The following FGD4 variants were observed in gnomAD, a reference collection of about 807,000 sequenced individuals.
FGD4 encodes FYVE, RhoGEF and PH domain-containing protein 4.
Under a neutral mutation model 102.0 loss-of-function variants are expected in FGD4, and 42 were observed. The observed-to-expected ratio is 0.41, with a 90% CI of 0.32 to 0.53. FGD4 has a LOEUF of 0.53. Among genes scored for constraint, FGD4 ranks in the 20% least tolerant of loss-of-function variants. The pLI is 0.21. For missense variants in FGD4, 902 were observed against 1,078.2 expected, an observed-to-expected ratio of 0.84 and a Z score of 2.29; for synonymous variants, 380 against 375.7, an observed-to-expected ratio of 1.01 and a Z score of -0.13.
Position 32,547,816 on chromosome 12 carries a change from C to T in FGD4, c.167-16321C>T, listed in dbSNP as rs193010300. Among the ~76,000 whole-genome samples, 489 of 152,284 alleles carry T rather than the reference C, an allele frequency of 3.2e-3. 5 individuals are homozygous for T. Among genetic ancestry groups the T allele is most frequent in the Middle Eastern group, 6.8e-3 (2 of 294 alleles). On this transcript the variant is annotated intron_variant, in intron 1 of 16. Transcript: ENST00000534526. ...CCGCCTCCCGGGTTCAAGCGATTCT[C>T]CTGCTTCAGCCTCCTGAGTAGCTCT...
chr12:32,444,299 A>G (rs914211393), intron 1 of FGD4, among the ~76,000 whole-genome samples: 3 of 152,092 alleles, frequency 2.0e-5, no homozygotes, highest in African/African-American at 7.2e-5. Flanking sequence ...CTGGGGTTAC[A>G]GGCGTGACCC....
At chr12:32,480,006 G>T (rs1943685618) in intron 1 of FGD4, among the ~76,000 whole-genome samples, 1 of 151,514 alleles carries the variant, frequency 6.6e-6, no homozygotes, top group Non-Finnish European at 1.5e-5. Context: ...GCTCAGCGTG[G>T]TCTCAAAACT....
chr12:32,447,799 A>G (rs926696766), intron 1 of FGD4, among the ~76,000 whole-genome samples: 2 of 152,242 alleles, frequency 1.3e-5, no homozygotes, highest in Non-Finnish European at 2.9e-5. Flanking sequence ...CCCTCCCTTC[A>G]GTACACCGTG....
intron 1 of FGD4, among the ~76,000 whole-genome samples, chr12:32,413,028 A>T (rs983341429): frequency 6.7e-6 from 1 of 148,672 alleles, no homozygotes; most frequent in African/African-American, 2.5e-5. Flanking sequence ...GTGGAGCCAT[A>T]ATTGCGCCAC....
At chr12:32,508,140 G>A (rs866461472) in intron 1 of FGD4, among the ~76,000 whole-genome samples, 5 of 152,316 alleles carry the variant, frequency 3.3e-5, no homozygotes, top group Non-Finnish European at 5.9e-5. Context: ...GGCTGTGCAC[G>A]TGAGGTGCAG....
intron 1 of FGD4, among the ~76,000 whole-genome samples, chr12:32,444,135 C>T (rs1263142711): frequency 6.6e-6 from 1 of 151,516 alleles, no homozygotes; most frequent in African/African-American, 2.4e-5. Context: ...CGCAATGCTC[C>T]ACCTCAGCCT....
In FGD4 at chr12:32,604,936, C is replaced by CTTTTT. The variant is rs575943561; in HGVS notation, c.1404+2634_1404+2638dup. 3.7e-3 allele frequency among the ~76,000 whole-genome samples: 349 copies of CTTTTT among 94,462 alleles called. 27 individuals carry two copies. The highest frequency in any genetic ancestry group is 7.6e-3 in the African/African-American group (153 of 20,014). 62.0% of individuals were successfully genotyped at this position (94,462 alleles called of 152,430 possible). ...TCAATTTTATCTAGCTTTATAGCTG[C>CTTTTT]TTTTTTTTTTTTTTTTTTTGGAGTT... On this transcript the variant is annotated intron_variant, in intron 7 of 16. Transcript: ENST00000534526.
rs956182081 is a variant in FGD4 at position 32,399,752 on chromosome 12, G to T, written c.-42G>T. On this transcript the variant is annotated 5_prime_UTR_variant, in exon 1 of 17. Transcript: ENST00000534526. ...CCCCAGGGGCCGCTCGCGGCTGGAC[G>T]GGAGCGGGAGGAGTCGGGGAGCGGC... 3 of 1,522,718 alleles carry T rather than the reference G, an allele frequency of 2.0e-6. No individual in the cohort carries two copies. The highest frequency in any genetic ancestry group is 2.0e-5 in the Admixed American group (1 of 50,392). The allele number at this position is 1,522,718 out of a possible 1,614,324, so 94.3% of individuals were successfully genotyped here. A position where few individuals can be genotyped will look rare whatever the true frequency, so the allele number is the denominator to read the frequency against.
intron 1 of FGD4, among the ~76,000 whole-genome samples, chr12:32,445,376 G>C (rs904287645): frequency 6.6e-6 from 1 of 152,140 alleles, no homozygotes; most frequent in African/African-American, 2.4e-5. Flanking sequence ...CATTTCTGTG[G>C]TATAAAATAG....
intron 1 of FGD4, among the ~76,000 whole-genome samples, chr12:32,453,215 TATATAATATAGATATATATATA>T (rs1942846287): frequency 2.0e-5 from 1 of 49,868 alleles, no homozygotes; most frequent in Non-Finnish European, 4.4e-5. Context: ...TATATATATA[TATATAATATAGATATATATATA>T]TTTTTTTTTT....
chr12:32,594,394 C>G (rs892001098), intron 4 of FGD4, among the ~76,000 whole-genome samples: 14 of 152,206 alleles, frequency 9.2e-5, no homozygotes, highest in African/African-American at 3.4e-4. Flanking sequence ...CCATCACTCC[C>G]AGATGGGACT....
chr12:32,547,110 A>G (rs749115970), intron 1 of FGD4, among the ~76,000 whole-genome samples: 5 of 152,180 alleles, frequency 3.3e-5, no homozygotes, highest in African/African-American at 7.2e-5. Flanking sequence ...TGTGTCCACA[A>G]ATTGCTTACA....
intron 4 of FGD4, among the ~76,000 whole-genome samples, chr12:32,589,029 A>T (rs879485637): frequency 1.3e-5 from 2 of 152,130 alleles, no homozygotes; most frequent in Non-Finnish European, 2.9e-5. Context: ...TAGCTCTGTG[A>T]CCTTGAGCAG....
intron 1 of FGD4, among the ~76,000 whole-genome samples, chr12:32,400,519 G>A (rs1378723328): frequency 3.9e-5 from 6 of 152,148 alleles, no homozygotes; most frequent in African/African-American, 1.4e-4. Context: ...ATGTTAATAG[G>A]TTCAGATGTC....
intron 1 of FGD4, among the ~76,000 whole-genome samples, chr12:32,526,406 G>A (rs1252312442): frequency 6.6e-6 from 1 of 152,202 alleles, no homozygotes; most frequent in African/African-American, 2.4e-5. Flanking sequence ...TCGACACTCT[G>A]TATCTAGCTG....
At chr12:32,628,166 G>T (rs1950287986) in intron 14 of FGD4, among the ~76,000 whole-genome samples, 1 of 152,126 alleles carries the variant, frequency 6.6e-6, no homozygotes, top group African/African-American at 2.4e-5. Flanking sequence ...GTAGAGCAGA[G>T]AACTATGATC....
At chr12:32,442,042 TGTTTTTTTTTTTTTTTG>T (rs370745725) in intron 1 of FGD4, among the ~76,000 whole-genome samples, 5,952 of 114,102 alleles carry the variant, frequency 0.052, 371 homozygotes, top group African/African-American at 0.19. Context: ...AGTGTTGTTG[TGTTTTTTTTTTTTTTTG>T]GTTTTTTTTT....
chr12:32,603,500 C>A (rs1469827540), intron 7 of FGD4, among the ~76,000 whole-genome samples: 7 of 151,900 alleles, frequency 4.6e-5, no homozygotes, highest in African/African-American at 1.7e-4. Context: ...TAGCCATTCT[C>A]CTGCCTCAGC....
rs560111456 is a variant in FGD4 at position 32,589,550 on chromosome 12, G to A, written c.1011+7083G>A. On this transcript the variant is annotated intron_variant, in intron 4 of 16. Transcript: ENST00000534526. Reference sequence around the variant, plus strand: ...GTTATTTAATGTGTATACATATTCAGTTTTTCTTGGTGCCTGTTCTTTAAT... The same window carrying A: ...GTTATTTAATGTGTATACATATTCAATTTTTCTTGGTGCCTGTTCTTTAAT... Among the ~76,000 whole-genome samples, 25 of 152,292 alleles carry A rather than the reference G, an allele frequency of 1.6e-4. No individual in the cohort carries two copies. The South Asian group carries it at 5.2e-3, about 32-fold the overall frequency.
Sources: gnomAD v4.1 joint callset for allele counts (sites outside exome capture counted in the v4.1 genomes callset) on GRCh38, gnomAD v4.1.1 for gene constraint, MANE v1.5 for transcripts, NCBI Gene and HGNC (gene_info 2026-07-23, HGNC 2026-07-21) for gene names.